IQSEC1: variants seen among roughly 807,000 people sequenced by gnomAD.
IQSEC1 encodes IQ motif and Sec7 domain ArfGEF 1.
In IQSEC1, 31 loss-of-function variants were observed where a neutral mutation model predicts 91.0. That is an observed-to-expected ratio of 0.34 (90% CI 0.26 to 0.46). IQSEC1 has a LOEUF of 0.46. Among genes scored for constraint, IQSEC1 ranks in the 20% least tolerant of loss-of-function variants. The pLI is 1.00. For missense variants in IQSEC1, 1,388 were observed against 1,575.6 expected, an observed-to-expected ratio of 0.88 and a Z score of 2.02; for synonymous variants, 699 against 662.6, an observed-to-expected ratio of 1.05 and a Z score of -0.84.
chr3:13,158,380 T>C (rs977410132), intron 2 of IQSEC1, among the ~76,000 whole-genome samples: 1 of 152,250 alleles, frequency 6.6e-6, no homozygotes, highest in African/African-American at 2.4e-5. Context: ...TGTTCTCATT[T>C]TGGGTTTGGG....
Position 12,935,857 on chromosome 3 carries a change from G to A in IQSEC1, c.1159C>T (p.Leu387Phe), listed in dbSNP as rs202078774. 1.2e-5 allele frequency: 19 copies of A among 1,607,942 alleles called. No homozygotes were observed. Among genetic ancestry groups the A allele is most frequent in the African/African-American group, 2.7e-5 (2 of 75,056 alleles). The stretch of plus-strand genomic sequence containing the variant: ...CGCTCGTAAGCACTCTGCCTCTTGA[G>A]TGACCCCCGCTCCGAGCGGTCACTA... ...DLSDRSERGS[L>F]KRQSAYERSL... is the part of the protein sequence containing the mutation. Residue 387 changes from leucine (L) to phenylalanine (F), a missense_variant, in exon 3 of 14, where the codon CTC becomes TTC. Physicochemically the swap from Leu to Phe is conservative, Grantham distance 22. This residue lies in a region of IQSEC1 where 1,059 missense variants were observed against 1,317.8 expected (regional missense o/e 0.80). Transcript: ENST00000613206. The surrounding 1 kb of genome is among the most constrained non-coding windows in gnomAD (Gnocchi z 8.0).
At chr3:13,229,584 C>T (rs1454216198) in intron 1 of IQSEC1, among the ~76,000 whole-genome samples, 1 of 152,112 alleles carries the variant, frequency 6.6e-6, no homozygotes, top group Non-Finnish European at 1.5e-5. Context: ...GGAGGGGGGA[C>T]CTTGAGGGGT....
chr3:13,005,275 G>T (rs1217657533), intron 1 of IQSEC1, among the ~76,000 whole-genome samples: 3 of 152,164 alleles, frequency 2.0e-5, no homozygotes, highest in Non-Finnish European at 4.4e-5. Context: ...ACGGTGTGGG[G>T]GAAGGATCAG....
intron 12 of IQSEC1, 77 bp from the exon 13 acceptor site, chr3:12,902,899 T>C: frequency 9.1e-7 from 1 of 1,100,488 alleles, no homozygotes; most frequent in Non-Finnish European, 1.4e-6. Context: ...GCCACGCTGC[T>C]GCCACGGAGC....
In IQSEC1 at chr3:12,994,576, C is replaced by T. The variant is rs921596843; in HGVS notation, c.24-52711G>A. ...CGAACAAACGCACCTCAGGCCAAGT[C>T]CCCCGGCTCCTCCGAGGGAAAGCTG... On this transcript the variant is annotated intron_variant, in intron 1 of 13. Coordinates refer to ENST00000613206, the MANE Select transcript of IQSEC1 (RefSeq NM_001134382.3). This position sits in a 1 kb window ranked among gnomAD's most constrained non-coding sequence, Gnocchi z 4.5. Among the ~76,000 whole-genome samples, 1 of 152,250 alleles carries T rather than the reference C, an allele frequency of 6.6e-6. No homozygotes were observed. The highest frequency in any genetic ancestry group is 1.9e-4 in the East Asian group (1 of 5,166).
chr3:13,061,215 G>A lies in IQSEC1; in HGVS notation c.23+11777C>T, dbSNP rs184844696. On this transcript the variant is annotated intron_variant, in intron 1 of 13. Coordinates refer to ENST00000613206, the MANE Select transcript of IQSEC1 (RefSeq NM_001134382.3). ...TTATAGATGGGGACATGGGGACAGA[G>A]CCGGCAGCATGGGCATGACTGCCTC... Among the ~76,000 whole-genome samples, 4 of 152,304 alleles carry A rather than the reference G, an allele frequency of 2.6e-5. No individual in the cohort carries two copies. In the East Asian group the frequency reaches 7.7e-4, roughly 29 times the overall value.
chr3:13,244,299 TCTC>T (rs2125106942), intron 1 of IQSEC1, among the ~76,000 whole-genome samples: 2 of 152,338 alleles, frequency 1.3e-5, no homozygotes, highest in Admixed American at 1.3e-4. Context: ...TTCGAGCGAT[TCTC>T]CTGCTTCAGC....
At chr3:13,225,418 A>G (rs1478692988) in intron 1 of IQSEC1, among the ~76,000 whole-genome samples, 1 of 152,278 alleles carries the variant, frequency 6.6e-6, no homozygotes, top group Non-Finnish European at 1.5e-5. Flanking sequence ...ATGTGATTGT[A>G]TGCGATTCTG....
chr3:13,192,270 G>A (rs545223574), intron 1 of IQSEC1, among the ~76,000 whole-genome samples: 13 of 151,798 alleles, frequency 8.6e-5, no homozygotes, highest in Middle Eastern at 3.4e-3. Flanking sequence ...CCCGGGAGGC[G>A]GAGCTTGCAG....
At chr3:13,031,040 G>A in intron 1 of IQSEC1, among the ~76,000 whole-genome samples, 1 of 152,234 alleles carries the variant, frequency 6.6e-6, no homozygotes, top group Non-Finnish European at 1.5e-5. Flanking sequence ...GGAAAACTAG[G>A]ATCATCTGCT....
chr3:13,275,300 C>T (rs1441685736), intron 1 of IQSEC1, among the ~76,000 whole-genome samples: 1 of 151,836 alleles, frequency 6.6e-6, no homozygotes, highest in Non-Finnish European at 1.5e-5. Flanking sequence ...GATCTCGCCT[C>T]ATCCAAGAGG....
Position 12,902,732 on chromosome 3 carries a change from G to A in IQSEC1, c.2805+41C>T, listed in dbSNP as rs368426905. 12 of 1,277,788 alleles carry A rather than the reference G, an allele frequency of 9.4e-6. No homozygotes were observed. The East Asian group carries it at 1.0e-4, about 11-fold the overall frequency. The allele number at this position is 1,277,788 out of a possible 1,614,324, so 79.2% of individuals were successfully genotyped here. The stretch of plus-strand genomic sequence containing the variant: ...ATATGAACTGAGGACTGGGGAAGGC[G>A]ACACAGGACAGCCAGCTGGACAGAG... On this transcript the variant is annotated intron_variant, in intron 13 of 13. Coordinates refer to ENST00000613206, the MANE Select transcript of IQSEC1 (RefSeq NM_001134382.3).
Position 12,902,705 on chromosome 3 carries a change from A to G in IQSEC1, c.2805+68T>C, listed in dbSNP as rs560925328. The stretch of plus-strand genomic sequence containing the variant: ...AAAAAAAAAAAAAAACCAGGACAAC[A>G]GATATGAACTGAGGACTGGGGAAGG... On this transcript the variant is annotated intron_variant, in intron 13 of 13. Transcript: ENST00000613206. 1.1e-5 allele frequency: 9 copies of G among 824,324 alleles called. No homozygotes were observed. In the South Asian group the frequency reaches 1.3e-4, roughly 12 times the overall value. The allele number at this position is 824,324 out of a possible 1,614,324, so 51.1% of individuals were successfully genotyped here.
intron 1 of IQSEC1, among the ~76,000 whole-genome samples, chr3:13,001,514 G>A (rs1019952377): frequency 1.3e-5 from 2 of 152,204 alleles, no homozygotes; most frequent in Admixed American, 1.3e-4. Flanking sequence ...AAGGTCCTGT[G>A]ATGACCACAT....
rs4034193 is a variant in IQSEC1, at chr3:13,277,106, T to TAA, written c.272+5603_272+5604dup. The stretch of plus-strand genomic sequence containing the variant: ...AGTTAGGCAAAGCATTGCTCCTCCT[T>TAA]AAAAAAAAAAAAAAAAAAAAAAAAA... On this transcript the variant is annotated intron_variant, in intron 1 of 15. Transcript: ENST00000648114. 6.4e-3 allele frequency among the ~76,000 whole-genome samples: 230 copies of TAA among 35,978 alleles called. 15 individuals carry two copies. The highest frequency in any genetic ancestry group is 0.011 in the African/African-American group (83 of 7,476). 23.6% of individuals were successfully genotyped at this position (35,978 alleles called of 152,430 possible).
At chr3:13,088,456 C>G (rs1398374071) in intron 2 of IQSEC1, among the ~76,000 whole-genome samples, 57 of 152,062 alleles carry the variant, frequency 3.7e-4, no homozygotes. Context: ...CTCTCCAGGC[C>G]CCCACCCACT....
In IQSEC1 at chr3:13,022,068, A is replaced by G. The variant is rs1421459637; in HGVS notation, c.23+50924T>C. ...TCACAGAGATGCAGTACTTCCACAT[A>G]AGGCTCCACACGGCACTGCCATACC... On this transcript the variant is annotated intron_variant, in intron 1 of 13. Coordinates refer to ENST00000613206, the MANE Select transcript of IQSEC1 (RefSeq NM_001134382.3). The G allele has an allele frequency of 3.2e-6, 4 of 1,231,534 alleles. No homozygotes were observed. The East Asian group carries it at 1.3e-4, about 39-fold the overall frequency. The allele number at this position is 1,231,534 out of a possible 1,614,324, so 76.3% of individuals were successfully genotyped here. A position where few individuals can be genotyped will look rare whatever the true frequency, so the allele number is the denominator to read the frequency against.
At chr3:13,001,253 G>A (rs1425549676) in intron 1 of IQSEC1, among the ~76,000 whole-genome samples, 1 of 152,114 alleles carries the variant, frequency 6.6e-6, no homozygotes, top group Non-Finnish European at 1.5e-5. Flanking sequence ...GAGCCACCAT[G>A]CCCGATCCTA....
At chr3:13,101,220 G>A (rs1228113539) in intron 2 of IQSEC1, among the ~76,000 whole-genome samples, 2 of 152,154 alleles carry the variant, frequency 1.3e-5, no homozygotes, top group East Asian at 1.9e-4. Context: ...GGTGGCTCAC[G>A]CCTGTAATCC....
Sources: allele counts gnomAD v4.1 joint callset (sites outside exome capture counted in the v4.1 genomes callset), GRCh38; gene constraint gnomAD v4.1.1; regional missense constraint gnomAD v4.1.1; non-coding constraint Gnocchi (gnomAD v3.1); transcripts MANE v1.5; gene names NCBI Gene and HGNC (gene_info 2026-07-23, HGNC 2026-07-21).